MCF2L2: variants seen among roughly 807,000 people sequenced by gnomAD.
MCF2L2 encodes the protein MCF.2 cell line derived transforming sequence-like 2, also known as probable guanine nucleotide exchange factor MCF2L2.
In MCF2L2, 102 loss-of-function variants were observed where a neutral mutation model predicts 150.2. That is an observed-to-expected ratio of 0.68 (90% CI 0.58 to 0.80). The LOEUF (loss-of-function observed/expected upper bound fraction) is 0.80. Among genes scored for constraint, MCF2L2 ranks in the 30% least tolerant of loss-of-function variants. The pLI is 0.00. For synonymous variants in MCF2L2, 465 were observed against 491.3 expected (o/e 0.95, Z 0.71); for missense variants, 1,256 against 1,372.8 (o/e 0.91, Z 1.34).
chr3:183,263,864 C>G (rs1725847177), intron 15 of MCF2L2, among the ~76,000 whole-genome samples: 1 of 152,188 alleles, frequency 6.6e-6, no homozygotes, highest in African/African-American at 2.4e-5. Context: ...GGTCATTCAT[C>G]AGGTCCTGCT....
At chr3:183,284,030 T>A (rs902329084) in intron 14 of MCF2L2, among the ~76,000 whole-genome samples, 11 of 152,222 alleles carry the variant, frequency 7.2e-5, no homozygotes, top group African/African-American at 2.7e-4. Context: ...ATACAATCAT[T>A]TTCATATGAC....
chr3:183,410,486 C>A (rs1225950141), intron 1 of MCF2L2, among the ~76,000 whole-genome samples: 1 of 152,180 alleles, frequency 6.6e-6, no homozygotes, highest in African/African-American at 2.4e-5. Flanking sequence ...CCCCATAATT[C>A]TCTCCCCATG....
At position 183,283,275 on chromosome 3, in the gene MCF2L2, T is replaced by G. The variant is rs953627433; in HGVS notation, c.1776+5845A>C. 6.6e-6 allele frequency among the ~76,000 whole-genome samples: 1 copy of G among 152,164 alleles called. No individual in the cohort carries two copies. Among genetic ancestry groups the G allele is most frequent in the East Asian group, 1.9e-4 (1 of 5,190 alleles). On this transcript the variant is annotated intron_variant, in intron 14 of 29. Coordinates refer to ENST00000328913, the MANE Select transcript of MCF2L2 (RefSeq NM_015078.4). The surrounding 1 kb of genome is among the most constrained non-coding windows in gnomAD (Gnocchi z 4.2). ...GACTGTGACAACTGCCAGCGGCTGG[T>G]CAGCCTGCCTGCCTTCATCTAACCT...
intron 3 of MCF2L2, among the ~76,000 whole-genome samples, chr3:183,371,323 G>C (rs1361757639): frequency 1.3e-5 from 2 of 152,100 alleles, no homozygotes; most frequent in African/African-American, 4.8e-5. Context: ...ACATTTTAAG[G>C]AGACGTGAGA....
At chr3:183,240,229 C>G (rs902246002) in intron 15 of MCF2L2, among the ~76,000 whole-genome samples, 32 of 152,180 alleles carry the variant, frequency 2.1e-4, no homozygotes, top group Non-Finnish European at 5.9e-5. Context: ...CAGGCTACGC[C>G]CTTCCAAAAG....
At chr3:183,413,552 C>T (rs1461333974) in intron 1 of MCF2L2, among the ~76,000 whole-genome samples, 3 of 152,176 alleles carry the variant, frequency 2.0e-5, no homozygotes, top group African/African-American at 4.8e-5. Flanking sequence ...ATGCAGTTAA[C>T]ATGTCTGCTC....
intron 3 of MCF2L2, among the ~76,000 whole-genome samples, chr3:183,366,972 G>A (rs1214682446): frequency 6.6e-6 from 1 of 152,178 alleles, no homozygotes; most frequent in African/African-American, 2.4e-5. Flanking sequence ...AATGCCAGGT[G>A]AAAATGCACA....
intron 1 of MCF2L2, among the ~76,000 whole-genome samples, chr3:183,403,194 T>C (rs1714863445): frequency 6.6e-6 from 1 of 151,958 alleles, no homozygotes. Context: ...ATCACCTGAA[T>C]CCAGGAGGCA....
chr3:183,242,292 C>T (rs1022911885), intron 15 of MCF2L2, among the ~76,000 whole-genome samples: 20 of 152,186 alleles, frequency 1.3e-4, no homozygotes, highest in African/African-American at 4.8e-4. Flanking sequence ...AAGATGGAGC[C>T]AAATGTTAAT....
intron 15 of MCF2L2, among the ~76,000 whole-genome samples, chr3:183,247,803 T>C (rs1724324072): frequency 6.6e-6 from 1 of 152,166 alleles, no homozygotes; most frequent in African/African-American, 2.4e-5. Context: ...AGAGTGTGCA[T>C]AGGTTATATG....
chr3:183,292,673 C>T (rs1268071982), intron 13 of MCF2L2, among the ~76,000 whole-genome samples: 1 of 151,742 alleles, frequency 6.6e-6, no homozygotes, highest in Non-Finnish European at 1.5e-5. Flanking sequence ...GGGGGATTAA[C>T]ATATATAGAT....
chr3:183,330,873 C>T (rs926738709), intron 5 of MCF2L2, among the ~76,000 whole-genome samples: 2 of 152,034 alleles, frequency 1.3e-5, no homozygotes, highest in African/African-American at 4.8e-5. Context: ...TATTTGGCAT[C>T]CTCTCATTAC....
At chr3:183,384,807 T>G (rs1207342697) in intron 2 of MCF2L2, among the ~76,000 whole-genome samples, 1 of 152,222 alleles carries the variant, frequency 6.6e-6, no homozygotes, top group South Asian at 2.1e-4. Context: ...CTAGGGTGGT[T>G]ACAGTTGGAG....
At chr3:183,256,084 C>T (rs1725020625) in intron 15 of MCF2L2, among the ~76,000 whole-genome samples, 1 of 152,158 alleles carries the variant, frequency 6.6e-6, no homozygotes, top group Non-Finnish European at 1.5e-5. Context: ...GTCCCCTATT[C>T]AGGGGGAATT....
chr3:183,298,486 A>G (rs1728653324), intron 11 of MCF2L2: 1 of 152,194 alleles, frequency 6.6e-6, no homozygotes, highest in Non-Finnish European at 1.5e-5. Flanking sequence ...ATTTAGAATA[A>G]TAAAAAATCA....
At chr3:183,409,092 A>G (rs1715189114) in intron 1 of MCF2L2, among the ~76,000 whole-genome samples, 2 of 152,220 alleles carry the variant, frequency 1.3e-5, no homozygotes. Flanking sequence ...TGTATGTATT[A>G]TTTCTGCATG....
intron 18 of MCF2L2, 192 bp from the exon 19 acceptor site, chr3:183,224,382 T>C: frequency 1.9e-6 from 1 of 535,550 alleles, no homozygotes; most frequent in Non-Finnish European, 3.3e-6. Flanking sequence ...TAAACAACCA[T>C]AACTACCAGA....
At position 183,179,766 on chromosome 3, in the gene MCF2L2, T is replaced by TC. The variant is rs1576901047; in HGVS notation, c.3106-75dup. 29 of 1,351,184 alleles carry TC rather than the reference T, an allele frequency of 2.1e-5. No homozygotes were observed. The East Asian group carries it at 6.7e-4, about 31-fold the overall frequency. The allele number at this position is 1,351,184 out of a possible 1,614,324, so 83.7% of individuals were successfully genotyped here. A position where few individuals can be genotyped will look rare whatever the true frequency, so the allele number is the denominator to read the frequency against. On this transcript the variant is annotated intron_variant, in intron 28 of 29. Transcript: ENST00000328913. The surrounding 1 kb of genome is among the most constrained non-coding windows in gnomAD (Gnocchi z 4.2). ...TGGCCAGACCGGGCAAGGTGGTGAC[T>TC]CCCGCTGGCAGGCTGAGGCCCACCC... is the stretch of plus-strand genomic sequence containing the variant.
At chr3:183,403,402 G>A (rs893401177) in intron 1 of MCF2L2, among the ~76,000 whole-genome samples, 5 of 152,206 alleles carry the variant, frequency 3.3e-5, no homozygotes, top group South Asian at 2.1e-4. Flanking sequence ...TGTATTATCC[G>A]TGCTAGCAGG....
Sources: gnomAD v4.1 joint callset for allele counts (sites outside exome capture counted in the v4.1 genomes callset) on GRCh38, gnomAD v4.1.1 for gene constraint, Gnocchi (gnomAD v3.1) non-coding constraint, MANE v1.5 for transcripts, NCBI Gene and HGNC (gene_info 2026-07-23, HGNC 2026-07-21) for gene names.